ADAM18: variants seen among roughly 807,000 people sequenced by gnomAD.
ADAM18 encodes disintegrin and metalloproteinase domain-containing protein 18.
In ADAM18, 117 loss-of-function variants were observed where a neutral mutation model predicts 94.4. That is an observed-to-expected ratio of 1.24 (90% CI 1.07 to 1.45). ADAM18 has a LOEUF of 1.45. ADAM18 is among the 40% of genes most tolerant of loss of function. ADAM18 has a pLI of 0.00. For synonymous variants in ADAM18, 327 were observed against 291.6 expected, an observed-to-expected ratio of 1.12 and a Z score of -1.24; for missense variants, 936 against 880.0, an observed-to-expected ratio of 1.06 and a Z score of -0.81.
At chr8:39,693,947 G>A (rs1022250293) in intron 17 of ADAM18, among the ~76,000 whole-genome samples, 1 of 150,976 alleles carries the variant, frequency 6.6e-6, no homozygotes, top group African/African-American at 2.4e-5. Context: ...TTAGCATGTA[G>A]GTGTTCTGAA....
At chr8:39,680,512 A>G (rs774000757) in intron 16 of ADAM18, among the ~76,000 whole-genome samples, 10 of 152,204 alleles carry the variant, frequency 6.6e-5, no homozygotes, top group Non-Finnish European at 1.2e-4. Flanking sequence ...TAAAATGCTA[A>G]TACAAAGTTT....
intron 6 of ADAM18, among the ~76,000 whole-genome samples, chr8:39,612,694 A>C (rs756488079): frequency 6.6e-6 from 1 of 152,036 alleles, no homozygotes; most frequent in South Asian, 2.1e-4. Context: ...TGATTTGAGC[A>C]CCCTACTGTC....
chr8:39,626,573 C>T (rs1472632797), intron 6 of ADAM18, among the ~76,000 whole-genome samples: 1 of 151,936 alleles, frequency 6.6e-6, no homozygotes, highest in Non-Finnish European at 1.5e-5. Context: ...GCTGCATTTG[C>T]TGTATCCCAG....
intron 10 of ADAM18, among the ~76,000 whole-genome samples, chr8:39,641,852 G>A (rs1208315130): frequency 6.6e-6 from 1 of 152,000 alleles, no homozygotes; most frequent in Non-Finnish European, 1.5e-5. Flanking sequence ...TTCCACAATG[G>A]CTGAACTAAT....
At chr8:39,611,151 T>C (rs1819261476) in intron 6 of ADAM18, 1 of 916,074 alleles carries the variant, frequency 1.1e-6, no homozygotes. Context: ...GTTTCTTTCT[T>C]TCAGCACTTT....
At chr8:39,716,192 C>T (rs991821109) in intron 18 of ADAM18, among the ~76,000 whole-genome samples, 1 of 151,540 alleles carries the variant, frequency 6.6e-6, no homozygotes, top group East Asian at 1.9e-4. Context: ...TTTTCTATTT[C>T]ATTTATTTCT....
At chr8:39,667,457 T>C (rs1200324558) in intron 13 of ADAM18, among the ~76,000 whole-genome samples, 4 of 151,534 alleles carry the variant, frequency 2.6e-5, no homozygotes, top group Non-Finnish European at 5.9e-5. Flanking sequence ...ATATGCACAC[T>C]GCACTGCTTA....
intron 10 of ADAM18, among the ~76,000 whole-genome samples, chr8:39,640,267 G>A (rs980012611): frequency 1.3e-5 from 2 of 152,092 alleles, no homozygotes; most frequent in Non-Finnish European, 2.9e-5. Flanking sequence ...ACTTATAAGT[G>A]AGAATATGTG....
rs568437500 is a variant in ADAM18 at position 39,669,846 on chromosome 8, T to G, written c.1525+1650T>G. Among the ~76,000 whole-genome samples the G allele has an allele frequency of 6.2e-3, 940 of 152,218 alleles. 5 individuals carry two copies. The highest frequency in any genetic ancestry group is 0.021 in the African/African-American group (868 of 41,540). On this transcript the variant is annotated intron_variant, in intron 14 of 19. Coordinates refer to ENST00000265707, the MANE Select transcript of ADAM18 (RefSeq NM_014237.3). ...TATATACCCAGTAATGGGATGGCTG[T>G]GTCAAATGGTATTTCTAGTTCTAGA...
chr8:39,648,251 A>G (rs532959904), intron 11 of ADAM18, 93 bp from the exon 12 acceptor site: 2 of 968,056 alleles, frequency 2.1e-6, no homozygotes, highest in Non-Finnish European at 1.4e-6. Context: ...TGGGGTGGCC[A>G]TCTTGTGATT....
chr8:39,589,295 A>G (rs942084122), intron 2 of ADAM18, among the ~76,000 whole-genome samples: 1 of 152,192 alleles, frequency 6.6e-6, no homozygotes, highest in African/African-American at 2.4e-5. Context: ...TGTTAGGCAC[A>G]TTATATCTTA....
At chr8:39,711,854 C>T (rs1190038810) in intron 18 of ADAM18, among the ~76,000 whole-genome samples, 1 of 151,786 alleles carries the variant, frequency 6.6e-6, no homozygotes, top group Non-Finnish European at 1.5e-5. Flanking sequence ...TATTTGAAGA[C>T]ATAATGCCCC....
At chr8:39,714,107 C>A (rs796332276) in intron 18 of ADAM18, among the ~76,000 whole-genome samples, 1 of 151,990 alleles carries the variant, frequency 6.6e-6, no homozygotes, top group South Asian at 2.1e-4. Context: ...ATACTATGCA[C>A]CCATAAAAAA....
intron 14 of ADAM18, 79 bp from the exon 15 acceptor site, chr8:39,677,351 TA>T: frequency 8.6e-7 from 1 of 1,159,170 alleles, no homozygotes. Context: ...TTTTTGAAAT[TA>T]AATTTCCTTA....
At chr8:39,713,139 A>G (rs549020913) in intron 18 of ADAM18, among the ~76,000 whole-genome samples, 6 of 152,286 alleles carry the variant, frequency 3.9e-5, no homozygotes, top group Admixed American at 2.0e-4. Context: ...AACACCACAC[A>G]TCTACAACCA....
At chr8:39,635,197 C>T (rs990710100) in intron 7 of ADAM18, among the ~76,000 whole-genome samples, 1 of 152,144 alleles carries the variant, frequency 6.6e-6, no homozygotes, top group Admixed American at 6.6e-5. Flanking sequence ...AAATAGATTT[C>T]TCTTTTTTAT....
At chr8:39,728,422 G>GT (rs1159102089) in intron 19 of ADAM18, among the ~76,000 whole-genome samples, 1 of 152,134 alleles carries the variant, frequency 6.6e-6, no homozygotes, top group Non-Finnish European at 1.5e-5. Flanking sequence ...CTTCAGTGAT[G>GT]TATAGTAGAC....
intron 17 of ADAM18, among the ~76,000 whole-genome samples, chr8:39,698,393 C>T (rs1049614463): frequency 1.2e-4 from 18 of 151,770 alleles, no homozygotes; most frequent in Admixed American, 3.9e-4. Flanking sequence ...CTTGTAAAGT[C>T]TATATAATTT....
At chr8:39,679,946 T>G (rs953048796) in intron 15 of ADAM18, 91 bp from the exon 16 acceptor site, 2 of 1,228,078 alleles carry the variant, frequency 1.6e-6, no homozygotes, top group African/African-American at 3.1e-5. Flanking sequence ...TACTATCAAT[T>G]AACAGTATGT....
Sources: gnomAD v4.1 joint callset for allele counts (sites outside exome capture counted in the v4.1 genomes callset) on GRCh38, gnomAD v4.1.1 for gene constraint, MANE v1.5 for transcripts, NCBI Gene and HGNC (gene_info 2026-07-23, HGNC 2026-07-21) for gene names.